The following GABRB1 variants were observed in gnomAD, a reference collection of about 807,000 sequenced individuals.
GABRB1 encodes the protein gamma-aminobutyric acid type A receptor subunit beta1.
In GABRB1, 17 loss-of-function variants were observed where a neutral mutation model predicts 51.6. The observed-to-expected ratio is 0.33, with a 90% confidence interval of 0.23 to 0.49. GABRB1 has a LOEUF of 0.49. GABRB1 is among the 20% of genes least tolerant of loss of function. The probability of loss-of-function intolerance (pLI) is 0.99; values close to 1 mark genes in which losing one functional copy is unlikely to be tolerated. For missense variants in GABRB1, 410 were observed against 600.6 expected, an observed-to-expected ratio of 0.68 and a Z score of 3.32; for synonymous variants, 247 against 218.9, an observed-to-expected ratio of 1.13 and a Z score of -1.14.
At chr4:47,001,332 T>C (rs373147704) in intron 1 of GABRB1, among the ~76,000 whole-genome samples, 2,484 of 151,736 alleles carry the variant, frequency 0.016, 45 homozygotes, top group African/African-American at 0.04. Context: ...TTAGTAGAGA[T>C]GTGGTTTCAC....
chr4:47,244,844 A>T (rs1421093831), intron 4 of GABRB1, among the ~76,000 whole-genome samples: 1 of 152,240 alleles, frequency 6.6e-6, no homozygotes, highest in African/African-American at 2.4e-5. Context: ...CATTTAAAGC[A>T]GTGTGTACAG....
intron 1 of GABRB1, 48 bp from the exon 2 acceptor site, chr4:47,031,866 T>C: frequency 6.4e-7 from 1 of 1,559,602 alleles, no homozygotes; most frequent in Non-Finnish European, 8.8e-7. Flanking sequence ...TTATATGTGC[T>C]CACAGTTTGT....
intron 1 of GABRB1, among the ~76,000 whole-genome samples, chr4:47,015,915 A>G (rs796470003): frequency 2.0e-5 from 3 of 152,340 alleles, no homozygotes; most frequent in African/African-American, 7.2e-5. Context: ...AAATATATTC[A>G]GCTAACGGTA....
intron 3 of GABRB1, among the ~76,000 whole-genome samples, chr4:47,077,266 C>T (rs114633175): frequency 0.039 from 5,960 of 152,240 alleles, 155 homozygotes; most frequent in South Asian, 0.11. Flanking sequence ...TGAGTATTTA[C>T]ACACCCTTAT....
intron 3 of GABRB1, among the ~76,000 whole-genome samples, chr4:47,153,690 T>C (rs963589426): frequency 5.9e-5 from 9 of 152,078 alleles, no homozygotes; most frequent in African/African-American, 2.2e-4. Context: ...TGTGATTTTC[T>C]TAGATGATTA....
intron 3 of GABRB1, among the ~76,000 whole-genome samples, chr4:47,139,483 A>G (rs1716820882): frequency 6.6e-6 from 1 of 151,998 alleles, no homozygotes; most frequent in African/African-American, 2.4e-5. Context: ...CATATCCTGG[A>G]GAAAGTGAAG....
intron 3 of GABRB1, among the ~76,000 whole-genome samples, chr4:47,136,572 G>A (rs2109683579): frequency 6.6e-6 from 1 of 152,102 alleles, no homozygotes; most frequent in East Asian, 1.9e-4. Context: ...AATTTGTCTA[G>A]AAGATCAAGG....
chr4:47,049,140 G>T (rs1156648998), intron 3 of GABRB1, among the ~76,000 whole-genome samples: 1 of 152,050 alleles, frequency 6.6e-6, no homozygotes, highest in Non-Finnish European at 1.5e-5. Context: ...CCCTCCTTTG[G>T]CATCCATGTC....
chr4:47,366,050 G>A (rs1054688768), intron 5 of GABRB1, among the ~76,000 whole-genome samples: 1 of 152,154 alleles, frequency 6.6e-6, no homozygotes, highest in African/African-American at 2.4e-5. Context: ...GTAAAAGTAT[G>A]TCATAGGCAA....
chr4:47,096,919 C>T (rs1350904475), intron 3 of GABRB1, among the ~76,000 whole-genome samples: 3 of 152,168 alleles, frequency 2.0e-5, no homozygotes, highest in Non-Finnish European at 4.4e-5. Flanking sequence ...TCCAGTGAGA[C>T]ATCTAACGCA....
At chr4:47,017,662 T>G (rs1577828635) in intron 1 of GABRB1, among the ~76,000 whole-genome samples, 2 of 152,178 alleles carry the variant, frequency 1.3e-5, no homozygotes, top group East Asian at 3.9e-4. Flanking sequence ...GCATGCTGGC[T>G]TCTAGTTTTA....
intron 4 of GABRB1, among the ~76,000 whole-genome samples, chr4:47,217,796 G>A (rs1720613446): frequency 6.6e-6 from 1 of 151,514 alleles, no homozygotes; most frequent in African/African-American, 2.4e-5. Flanking sequence ...TTAGTATTAA[G>A]GATATCCAAC....
chr4:47,076,144 T>G (rs945379585), intron 3 of GABRB1, among the ~76,000 whole-genome samples: 1 of 152,190 alleles, frequency 6.6e-6, no homozygotes, highest in South Asian at 2.1e-4. Flanking sequence ...ACTGACTGAT[T>G]TCTTTGTTCA....
upstream of GABRB1, among the ~76,000 whole-genome samples, chr4:47,027,207 T>G (rs1415755264): frequency 1.3e-5 from 2 of 151,576 alleles, no homozygotes; most frequent in Admixed American, 1.3e-4. Context: ...GCTAGAATTA[T>G]ACCTGAAAGG....
At chr4:47,092,741 G>A (rs916379109) in intron 3 of GABRB1, among the ~76,000 whole-genome samples, 8 of 151,234 alleles carry the variant, frequency 5.3e-5, no homozygotes, top group Admixed American at 2.0e-4. Context: ...CCTCCCGAGT[G>A]GCTGGGATTA....
chr4:47,330,555 G>A (rs1035731490), intron 5 of GABRB1, among the ~76,000 whole-genome samples: 2 of 152,224 alleles, frequency 1.3e-5, no homozygotes, highest in South Asian at 4.2e-4. Flanking sequence ...TCATGAAATA[G>A]ATCCCTGCTT....
At chr4:47,090,016 G>A (rs965131350) in intron 3 of GABRB1, among the ~76,000 whole-genome samples, 3 of 152,044 alleles carry the variant, frequency 2.0e-5, no homozygotes, top group Non-Finnish European at 2.9e-5. Flanking sequence ...CGTAATTTTA[G>A]TTCTATCACA....
intron 4 of GABRB1, among the ~76,000 whole-genome samples, chr4:47,268,784 T>C (rs1424244867): frequency 6.6e-6 from 1 of 152,176 alleles, no homozygotes; most frequent in Non-Finnish European, 1.5e-5. Flanking sequence ...AAGTAGAACT[T>C]TTTTCTACTG....
At chr4:47,086,385 A>G (rs1262806888) in intron 3 of GABRB1, among the ~76,000 whole-genome samples, 1 of 152,196 alleles carries the variant, frequency 6.6e-6, no homozygotes, top group Non-Finnish European at 1.5e-5. Context: ...AAGATACCTT[A>G]TCAAAATCAA....
Sources: gnomAD v4.1 joint callset for allele counts (sites outside exome capture counted in the v4.1 genomes callset) on GRCh38, gnomAD v4.1.1 for gene constraint, MANE v1.5 for transcripts, NCBI Gene and HGNC (gene_info 2026-07-23, HGNC 2026-07-21) for gene names.